The following HHAT variants were observed in gnomAD, a reference collection of about 807,000 sequenced individuals.
HHAT encodes hedgehog acyltransferase, also known as protein-cysteine N-palmitoyltransferase HHAT.
In HHAT, 47 loss-of-function variants were observed where a neutral mutation model predicts 70.8. The observed-to-expected ratio is 0.66, with a 90% CI of 0.53 to 0.85. The LOEUF is 0.85. HHAT is among the 40% of genes least tolerant of loss of function. The pLI, the probability that HHAT is intolerant of heterozygous loss-of-function variation, is 0.00. For synonymous variants in HHAT, 228 were observed against 247.6 expected (o/e 0.92, Z 0.74); for missense variants, 609 against 604.8 (o/e 1.01, Z -0.07).
At chr1:210,391,803 A>G (rs1350297685) in intron 4 of HHAT, among the ~76,000 whole-genome samples, 2 of 152,160 alleles carry the variant, frequency 1.3e-5, no homozygotes, top group Non-Finnish European at 2.9e-5. Context: ...TTGTATAACT[A>G]CTTAGTAACA....
At chr1:210,673,321 C>A (rs1680467686) in intron 11 of HHAT, among the ~76,000 whole-genome samples, 4 of 151,812 alleles carry the variant, frequency 2.6e-5, no homozygotes. Flanking sequence ...GCTCAGAGCT[C>A]CTATTAGTGT....
chr1:210,516,397 AAAGCAGTTTCATTTAGGTGGAGAG>A (rs1287771259), intron 9 of HHAT, among the ~76,000 whole-genome samples: 1 of 152,142 alleles, frequency 6.6e-6, no homozygotes, highest in Non-Finnish European at 1.5e-5. Context: ...AGACTTAGAG[AAAGCAGTTTCATTTAGGTGGAGAG>A]AAGTAGAGCC....
intron 11 of HHAT, among the ~76,000 whole-genome samples, chr1:210,663,768 C>G (rs988451334): frequency 1.3e-5 from 2 of 152,250 alleles, no homozygotes; most frequent in Non-Finnish European, 2.9e-5. Context: ...AGGCCTACCC[C>G]AGATCTACTG....
chr1:210,543,952 G>A (rs985488908), intron 9 of HHAT, among the ~76,000 whole-genome samples: 1 of 152,158 alleles, frequency 6.6e-6, no homozygotes, highest in Non-Finnish European at 1.5e-5. Context: ...GATAGCTGAA[G>A]CAGTTCTTGG....
At chr1:210,470,280 C>T (rs2094181432) in intron 8 of HHAT, among the ~76,000 whole-genome samples, 1 of 152,126 alleles carries the variant, frequency 6.6e-6, no homozygotes, top group Admixed American at 6.5e-5. Flanking sequence ...ATGGGAGTCC[C>T]CTGAATCTGC....
At chr1:210,359,387 C>T (rs1163552296) in intron 2 of HHAT, among the ~76,000 whole-genome samples, 3 of 152,156 alleles carry the variant, frequency 2.0e-5, no homozygotes, top group Non-Finnish European at 4.4e-5. Context: ...TAAACCATCC[C>T]AATTGCTCCT....
chr1:210,403,119 T>C (rs928176918), intron 5 of HHAT, among the ~76,000 whole-genome samples: 1 of 152,244 alleles, frequency 6.6e-6, no homozygotes, highest in African/African-American at 2.4e-5. Context: ...TTGCTGTTTT[T>C]AGTCTACCTT....
intron 7 of HHAT, among the ~76,000 whole-genome samples, chr1:210,453,112 C>T (rs1321023931): frequency 6.6e-6 from 1 of 152,158 alleles, no homozygotes; most frequent in Non-Finnish European, 1.5e-5. Context: ...TACAACATAA[C>T]AGTGAGAGGA....
intron 9 of HHAT, among the ~76,000 whole-genome samples, chr1:210,582,249 T>G (rs1659422499): frequency 6.6e-6 from 1 of 152,118 alleles, no homozygotes; most frequent in Non-Finnish European, 1.5e-5. Context: ...TTAGGATTTG[T>G]CACCAAAGCC....
At chr1:210,492,179 C>G (rs1228270085) in intron 8 of HHAT, among the ~76,000 whole-genome samples, 1 of 152,160 alleles carries the variant, frequency 6.6e-6, no homozygotes, top group African/African-American at 2.4e-5. Flanking sequence ...TCTTAACCTT[C>G]AAAGTTCAGC....
chr1:210,477,500 T>A (rs1351891670), intron 8 of HHAT, among the ~76,000 whole-genome samples: 1 of 152,022 alleles, frequency 6.6e-6, no homozygotes, highest in Admixed American at 6.6e-5. Flanking sequence ...GCCCACCTGA[T>A]GTCCACTGCA....
chr1:210,543,912 C>G (rs995859099), intron 9 of HHAT, among the ~76,000 whole-genome samples: 7 of 152,102 alleles, frequency 4.6e-5, no homozygotes, highest in East Asian at 1.9e-4. Context: ...ATTTTTCTAC[C>G]CTCACTGTCT....
intron 2 of HHAT, among the ~76,000 whole-genome samples, chr1:210,355,931 T>G (rs190564622): frequency 6.6e-6 from 1 of 152,254 alleles, no homozygotes; most frequent in Non-Finnish European, 1.5e-5. Context: ...TTATTATTAT[T>G]TTTGAGACAG....
intron 7 of HHAT, among the ~76,000 whole-genome samples, chr1:210,464,206 C>T (rs7554508): frequency 0.56 from 84,256 of 151,658 alleles, 23,783 homozygotes; most frequent in African/African-American, 0.67. Context: ...TTTTCCCCTT[C>T]GTAATAGTTT....
chr1:210,669,268 C>T (rs955814674), intron 11 of HHAT, among the ~76,000 whole-genome samples: 6 of 152,170 alleles, frequency 3.9e-5, no homozygotes, highest in South Asian at 2.1e-4. Flanking sequence ...GCCATAATAA[C>T]GCCAAGTAAA....
chr1:210,450,500 A>T (rs11119502), intron 7 of HHAT, among the ~76,000 whole-genome samples: 120,489 of 151,618 alleles, frequency 0.79, 48,016 homozygotes, highest in South Asian at 0.82. Flanking sequence ...TCTTATTTTT[A>T]AAAAAATTTT....
chr1:210,465,967 TGAATTGCAAG>T (rs2094095094), intron 8 of HHAT, among the ~76,000 whole-genome samples: 1 of 11,460 alleles, frequency 8.7e-5, no homozygotes, highest in Admixed American at 9.5e-4. Context: ...TTGCAAGGAA[TGAATTGCAAG>T]GAATTGCAAG....
At chr1:210,566,564 G>C (rs1330718317) in intron 9 of HHAT, among the ~76,000 whole-genome samples, 2 of 152,116 alleles carry the variant, frequency 1.3e-5, no homozygotes, top group East Asian at 3.9e-4. Flanking sequence ...GAGACAAAGA[G>C]ATGAGCTGAT....
chr1:210,501,957 A>G (rs946020355), intron 8 of HHAT, among the ~76,000 whole-genome samples: 2 of 149,956 alleles, frequency 1.3e-5, no homozygotes, highest in African/African-American at 4.9e-5. Flanking sequence ...GGGAACCCTC[A>G]TCCTTAGTCC....
Sources: allele counts gnomAD v4.1 joint callset (sites outside exome capture counted in the v4.1 genomes callset), GRCh38; gene constraint gnomAD v4.1.1; transcripts MANE v1.5; gene names NCBI Gene and HGNC (gene_info 2026-07-23, HGNC 2026-07-21).